The following CRADD variants were observed in gnomAD, a reference collection of about 807,000 sequenced individuals.
CRADD encodes the protein death domain-containing protein CRADD.
A neutral mutation model predicts 15.5 loss-of-function variants in CRADD; 9 were observed. That is an observed-to-expected ratio of 0.58 (90% CI 0.35 to 1.01). The LOEUF is 1.01. Among genes scored for constraint, CRADD ranks in the 50% least tolerant of loss-of-function variants. The pLI is 0.02. For missense variants in CRADD, 227 were observed against 250.3 expected, an observed-to-expected ratio of 0.91 and a Z score of 0.63; for synonymous variants, 118 against 107.6, an observed-to-expected ratio of 1.10 and a Z score of -0.60.
intron 2 of CRADD, among the ~76,000 whole-genome samples, chr12:93,787,065 A>G (rs1347150764): frequency 6.6e-6 from 1 of 151,982 alleles, no homozygotes; most frequent in Non-Finnish European, 1.5e-5. Flanking sequence ...GCTATTGCTC[A>G]AAATATCTTT....
intron 2 of CRADD, among the ~76,000 whole-genome samples, chr12:93,830,032 A>C (rs141969645): frequency 0.017 from 2,611 of 152,254 alleles, 37 homozygotes; most frequent in Non-Finnish European, 0.024. Flanking sequence ...CTGATGTGCC[A>C]GGAAATGCTG....
intron 2 of CRADD, among the ~76,000 whole-genome samples, chr12:93,695,966 C>T (rs1565875189): frequency 6.6e-6 from 1 of 151,936 alleles, no homozygotes; most frequent in Non-Finnish European, 1.5e-5. Context: ...TACAAATGGC[C>T]AACAGGTATA....
chr12:93,705,329 A>C (rs1301996754), intron 2 of CRADD, among the ~76,000 whole-genome samples: 3 of 152,210 alleles, frequency 2.0e-5, no homozygotes, highest in Non-Finnish European at 4.4e-5. Flanking sequence ...TTTATGATTA[A>C]ATTTCTGTGT....
intron 2 of CRADD, among the ~76,000 whole-genome samples, chr12:93,794,057 T>C (rs974304317): frequency 6.6e-6 from 1 of 152,204 alleles, no homozygotes; most frequent in Non-Finnish European, 1.5e-5. Context: ...TTATGTTACT[T>C]GACTTTCAGC....
At chr12:93,683,700 G>A (rs1161089175) in intron 2 of CRADD, among the ~76,000 whole-genome samples, 4 of 152,310 alleles carry the variant, frequency 2.6e-5, no homozygotes, top group South Asian at 2.1e-4. Context: ...CACACCTGCC[G>A]CCCTCCTGAG....
intron 2 of CRADD, among the ~76,000 whole-genome samples, chr12:93,827,210 C>T (rs969336245): frequency 2.0e-5 from 3 of 152,178 alleles, no homozygotes; most frequent in African/African-American, 7.2e-5. Context: ...TCATGTCCCT[C>T]TATAATTCCT....
chr12:93,772,997 C>T (rs1402545801), intron 2 of CRADD, among the ~76,000 whole-genome samples: 1 of 152,178 alleles, frequency 6.6e-6, no homozygotes, highest in Admixed American at 6.5e-5. Flanking sequence ...GTTAGAGATG[C>T]ATAGGTTCAA....
chr12:93,887,937 G>A (rs959578036), intron 2 of CRADD, among the ~76,000 whole-genome samples: 2 of 152,176 alleles, frequency 1.3e-5, no homozygotes, highest in African/African-American at 4.8e-5. Context: ...CAGTAGATGG[G>A]TACCTAACTC....
intron 2 of CRADD, among the ~76,000 whole-genome samples, chr12:93,739,395 T>G (rs1240490296): frequency 6.6e-6 from 1 of 151,802 alleles, no homozygotes; most frequent in African/African-American, 2.4e-5. Context: ...ATTATTTAGG[T>G]TTTATTAAAT....
At chr12:93,711,518 T>A (rs956160136) in intron 2 of CRADD, among the ~76,000 whole-genome samples, 1 of 152,186 alleles carries the variant, frequency 6.6e-6, no homozygotes, top group Non-Finnish European at 1.5e-5. Flanking sequence ...GCTCCCACTC[T>A]TGCCTCTTTA....
At chr12:93,867,244 C>A (rs1172684400) in intron 2 of CRADD, among the ~76,000 whole-genome samples, 1 of 151,880 alleles carries the variant, frequency 6.6e-6, no homozygotes. Flanking sequence ...TGTTTTCTAA[C>A]TCACAACATT....
At chr12:93,687,726 T>A (rs1471899048) in intron 2 of CRADD, among the ~76,000 whole-genome samples, 1 of 152,180 alleles carries the variant, frequency 6.6e-6, no homozygotes, top group Admixed American at 6.5e-5. Context: ...GTGGTAGGAA[T>A]CAGGGTGTAG....
At chr12:93,840,614 T>C (rs1408016050) in intron 2 of CRADD, among the ~76,000 whole-genome samples, 2 of 152,052 alleles carry the variant, frequency 1.3e-5, no homozygotes, top group Non-Finnish European at 2.9e-5. Flanking sequence ...TTGCCCAGGC[T>C]GGAGTGCAAT....
In CRADD at chr12:93,845,690, A is replaced by G. The variant is rs1451007736; in HGVS notation, c.299-4280A>G. 2.0e-5 allele frequency among the ~76,000 whole-genome samples: 3 copies of G among 152,212 alleles called. No homozygotes were observed. In the East Asian group the frequency reaches 5.8e-4, roughly 29 times the overall value. ...CTCAACCTCACAAGTATTTTATGCT[A>G]TAGAAAGACTCAGCATCAATTGAGT... On this transcript the variant is annotated intron_variant, in intron 2 of 2. Coordinates refer to ENST00000332896, the MANE Select transcript of CRADD (RefSeq NM_003805.5).
intron 2 of CRADD, among the ~76,000 whole-genome samples, chr12:93,744,696 T>G (rs1337727527): frequency 2.0e-5 from 3 of 152,216 alleles, no homozygotes; most frequent in Non-Finnish European, 4.4e-5. Context: ...GCATCTTAAT[T>G]TTGAAAATTT....
intron 2 of CRADD, among the ~76,000 whole-genome samples, chr12:93,704,921 A>T (rs1955913972): frequency 6.6e-6 from 1 of 152,156 alleles, no homozygotes; most frequent in African/African-American, 2.4e-5. Context: ...TGCTCTAATA[A>T]GTGGCTCCCT....
chr12:93,694,031 G>A (rs555424703), intron 2 of CRADD, among the ~76,000 whole-genome samples: 54 of 152,108 alleles, frequency 3.6e-4, no homozygotes, highest in South Asian at 1.2e-3. Flanking sequence ...TACAAGAATA[G>A]AAAATTACAG....
intron 2 of CRADD, among the ~76,000 whole-genome samples, chr12:93,711,055 C>CCCCCTTTTTTTT: frequency 1.8e-4 from 8 of 43,508 alleles, no homozygotes; most frequent in Admixed American, 2.6e-4. Flanking sequence ...CCACCCCCGC[C>CCCCCTTTTTTTT]TTTTTTTTTT....
intron 2 of CRADD, among the ~76,000 whole-genome samples, chr12:93,759,456 TA>T (rs1232226728): frequency 6.6e-6 from 1 of 152,214 alleles, no homozygotes; most frequent in Non-Finnish European, 1.5e-5. Context: ...ATTCTTTGCA[TA>T]AAAAACTAAT....
Sources: allele counts gnomAD v4.1 joint callset (sites outside exome capture counted in the v4.1 genomes callset), GRCh38; gene constraint gnomAD v4.1.1; transcripts MANE v1.5; gene names NCBI Gene and HGNC (gene_info 2026-07-23, HGNC 2026-07-21).